CDH18: variants seen among roughly 807,000 people sequenced by gnomAD.
CDH18 encodes cadherin-18.
A neutral mutation model predicts 67.9 loss-of-function variants in CDH18; 31 were observed. The observed-to-expected ratio is 0.46, with a 90% CI of 0.34 to 0.62. The LOEUF (loss-of-function observed/expected upper bound fraction) is 0.62, where lower values mean the gene tolerates loss of function less well. Ranked by LOEUF, CDH18 falls within the 20% of genes least tolerant of loss-of-function variation. The probability of loss-of-function intolerance (pLI) is 0.01; values close to 1 mark genes in which losing one functional copy is unlikely to be tolerated. For missense variants in CDH18, 890 were observed against 975.5 expected, an observed-to-expected ratio of 0.91 and a Z score of 1.17; for synonymous variants, 362 against 347.2, an observed-to-expected ratio of 1.04 and a Z score of -0.48.
intron 2 of CDH18, among the ~76,000 whole-genome samples, chr5:20,022,334 G>A (rs1738504610): frequency 6.6e-6 from 1 of 152,144 alleles, no homozygotes; most frequent in African/African-American, 2.4e-5. Context: ...GCCAATGTAA[G>A]GATTATGAAA....
intron 2 of CDH18, among the ~76,000 whole-genome samples, chr5:20,122,604 C>T (rs1017924572): frequency 7.3e-5 from 11 of 151,612 alleles, no homozygotes; most frequent in East Asian, 1.9e-4. Context: ...TATTTAAATG[C>T]CTCAACTTAT....
At chr5:20,431,148 C>T (rs953501442) in intron 1 of CDH18, among the ~76,000 whole-genome samples, 3 of 152,058 alleles carry the variant, frequency 2.0e-5, no homozygotes, top group Non-Finnish European at 4.4e-5. Context: ...ACTAATAGCT[C>T]TTAGTAAGCA....
intron 4 of CDH18, among the ~76,000 whole-genome samples, chr5:19,723,024 A>T (rs1227688882): frequency 6.6e-6 from 1 of 152,270 alleles, no homozygotes; most frequent in South Asian, 2.1e-4. Context: ...TGAGGTCAGG[A>T]GTTTGAGACC....
intron 1 of CDH18, among the ~76,000 whole-genome samples, chr5:20,428,086 C>T (rs1490562802): frequency 6.6e-6 from 1 of 150,824 alleles, no homozygotes; most frequent in African/African-American, 2.5e-5. Flanking sequence ...CTAATGCTCT[C>T]CCTCTCCTTT....
chr5:20,526,664 G>C (rs1406515719), intron 1 of CDH18, among the ~76,000 whole-genome samples: 1 of 152,022 alleles, frequency 6.6e-6, no homozygotes, highest in African/African-American at 2.4e-5. Flanking sequence ...CAGAAAAGAG[G>C]CCTGACTGTT....
chr5:19,810,498 A>AC (rs1365197043), intron 3 of CDH18, among the ~76,000 whole-genome samples: 7 of 152,098 alleles, frequency 4.6e-5, no homozygotes, highest in Non-Finnish European at 8.8e-5. Context: ...AACTTAAGAA[A>AC]TTATATCAAT....
At chr5:19,501,229 T>C (rs2126747344) in intron 11 of CDH18, among the ~76,000 whole-genome samples, 1 of 143,372 alleles carries the variant, frequency 7.0e-6, no homozygotes, top group African/African-American at 2.7e-5. Context: ...ACATATATAA[T>C]TACAATTATA....
chr5:20,346,634 CT>C lies in CDH18; in HGVS notation c.-579-91130del, dbSNP rs141518531. On this transcript the variant is annotated intron_variant, in intron 1 of 14. Transcript: ENST00000507958. Reference sequence around the variant, plus strand: ...CACAGTGGTGCGAGGGATGTATTCCCTGCAATGGGTGTTACCTCTAGATGGC... The same window carrying C: ...CACAGTGGTGCGAGGGATGTATTCCCGCAATGGGTGTTACCTCTAGATGGC... Among the ~76,000 whole-genome samples, 499 of 152,248 alleles carry C rather than the reference CT, an allele frequency of 3.3e-3. 3 individuals carry two copies. Among genetic ancestry groups the C allele is most frequent in the African/African-American group, 0.01 (418 of 41,554 alleles).
chr5:20,069,871 G>T lies in CDH18; in HGVS notation c.-517-77857C>A, dbSNP rs1580170083. On this transcript the variant is annotated intron_variant, in intron 2 of 14. Coordinates refer to the CDH18 transcript ENST00000507958. ...CAGCAGTGGTACAATTGTTATAACT[G>T]ATAATCCTATATTGACACCGAAATG... is the stretch of plus-strand genomic sequence containing the variant. 2.6e-5 allele frequency among the ~76,000 whole-genome samples: 4 copies of T among 152,176 alleles called. No homozygotes were observed. In the South Asian group the frequency reaches 6.2e-4, roughly 24 times the overall value.
chr5:20,263,046 G>T (rs981389843), intron 1 of CDH18, among the ~76,000 whole-genome samples: 54 of 137,526 alleles, frequency 3.9e-4, no homozygotes, highest in African/African-American at 1.4e-3. Flanking sequence ...GGGATGGGGG[G>T]ACAGAGGGAT....
intron 2 of CDH18, among the ~76,000 whole-genome samples, chr5:19,904,901 G>A (rs545784669): frequency 9.2e-5 from 14 of 152,154 alleles, no homozygotes; most frequent in African/African-American, 3.4e-4. Flanking sequence ...CTTGAAAAAT[G>A]CAGAGATTCA....
At chr5:20,121,591 C>T (rs928019723) in intron 2 of CDH18, among the ~76,000 whole-genome samples, 5 of 152,064 alleles carry the variant, frequency 3.3e-5, no homozygotes, top group South Asian at 2.1e-4. Context: ...AATTATTACC[C>T]GTTAGCTTGC....
intron 2 of CDH18, among the ~76,000 whole-genome samples, chr5:20,101,629 T>C (rs1476455221): frequency 6.6e-6 from 1 of 152,182 alleles, no homozygotes; most frequent in Non-Finnish European, 1.5e-5. Flanking sequence ...TGTGGATTTG[T>C]AATCACTGAA....
At chr5:20,026,293 T>C (rs556373794) in intron 2 of CDH18, among the ~76,000 whole-genome samples, 2 of 152,326 alleles carry the variant, frequency 1.3e-5, no homozygotes, top group South Asian at 4.1e-4. Context: ...TAAGATGCTA[T>C]GTGGCCATTG....
intron 9 of CDH18, among the ~76,000 whole-genome samples, chr5:19,529,569 T>C (rs568990985): frequency 1.5e-4 from 23 of 152,204 alleles, no homozygotes; most frequent in African/African-American, 4.8e-4. Context: ...AGATTTATTA[T>C]GATTATGAAG....
At chr5:20,401,460 C>T (rs947115500) in intron 1 of CDH18, among the ~76,000 whole-genome samples, 7 of 152,028 alleles carry the variant, frequency 4.6e-5, no homozygotes, top group East Asian at 1.9e-4. Context: ...TTTCTACATA[C>T]GGTAGCATAA....
intron 5 of CDH18, among the ~76,000 whole-genome samples, chr5:19,638,077 G>C (rs1019525895): frequency 6.6e-6 from 1 of 151,892 alleles, no homozygotes. Context: ...GGTTTGTTTC[G>C]TTTGTTAACA....
At chr5:19,710,093 C>T (rs894507264) in intron 5 of CDH18, among the ~76,000 whole-genome samples, 1 of 152,128 alleles carries the variant, frequency 6.6e-6, no homozygotes, top group Non-Finnish European at 1.5e-5. Context: ...CAAGGTCATG[C>T]CACAGCACTC....
intron 2 of CDH18, among the ~76,000 whole-genome samples, chr5:20,034,775 T>C (rs78926812): frequency 0.034 from 5,111 of 152,048 alleles, 251 homozygotes; most frequent in East Asian, 0.25. Flanking sequence ...AACCAATTAC[T>C]TACAATAGAT....
Sources: gnomAD v4.1 joint callset for allele counts (sites outside exome capture counted in the v4.1 genomes callset) on GRCh38, gnomAD v4.1.1 for gene constraint, MANE v1.5 for transcripts, NCBI Gene and HGNC (gene_info 2026-07-23, HGNC 2026-07-21) for gene names.